Variants in P4HB observed in about 807,000 individuals in gnomAD.
P4HB encodes the protein prolyl 4-hydroxylase subunit beta.
Under a neutral mutation model 52.6 loss-of-function variants are expected in P4HB, and 20 were observed. That is an observed-to-expected ratio of 0.38 (90% CI 0.27 to 0.55). The LOEUF (loss-of-function observed/expected upper bound fraction) is 0.55. P4HB is among the 20% of genes least tolerant of loss of function. The pLI is 0.74. For missense variants in P4HB, 601 were observed against 669.2 expected (o/e 0.90, Z 1.12); for synonymous variants, 296 against 277.9 (o/e 1.07, Z -0.65).
At position 81,853,388 on chromosome 17, in the gene P4HB, C is replaced by T. The variant is rs948198121; in HGVS notation, c.624+1754G>A. On this transcript the variant is annotated intron_variant, in intron 4 of 10. Coordinates refer to ENST00000331483, the MANE Select transcript of P4HB (RefSeq NM_000918.4). Reference sequence around the variant, plus strand: ...GAGTTCGAGACCACCCTGGCTAACACGGTGAAACCCCGTCTCTACTAAAAA... The same window carrying T: ...GAGTTCGAGACCACCCTGGCTAACATGGTGAAACCCCGTCTCTACTAAAAA... Among the ~76,000 whole-genome samples the T allele has an allele frequency of 4.0e-4, 61 of 152,026 alleles. 1 individual carries two copies. Among genetic ancestry groups the T allele is most frequent in the Admixed American group, 3.3e-4 (5 of 15,256 alleles).
intron 1 of P4HB, 157 bp from the exon 2 acceptor site, chr17:81,859,544 G>GC: frequency 1.5e-6 from 1 of 656,742 alleles, no homozygotes; most frequent in Non-Finnish European, 2.6e-6. Context: ...TGAGCTGATA[G>GC]CCTGGTGTTC....
Position 81,845,571 on chromosome 17 carries a change from G to C in P4HB, c.1349C>G (p.Ala450Gly). The C allele has an allele frequency of 1.2e-6, 2 of 1,601,930 alleles. No homozygotes were observed. The highest frequency in any genetic ancestry group is 1.7e-6 in the Non-Finnish European group (2 of 1,171,096). Reference protein sequence around the residue: ...FPTLKFFPASADRTVIDYNGE... With the variant: ...FPTLKFFPASGDRTVIDYNGE... ...GGAGGGAAGGCGCACCGTCCTGTCG[G>C]CACTGGCAGGAAAGAACTTGAGTGT... is the stretch of plus-strand genomic sequence containing the variant. The change falls in exon 9 of 11, where the codon GCC (alanine) becomes GGC (glycine). Residue 450 changes from alanine (A) to glycine (G), a missense_variant. Ala to Gly is a moderately conservative substitution (Grantham distance 60). Coordinates refer to ENST00000331483, the MANE Select transcript of P4HB (RefSeq NM_000918.4).
Position 81,845,878 on chromosome 17 carries a change from C to T in P4HB, c.1170G>A (p.Val390=). Residue 390 remains valine, a synonymous_variant, in exon 8 of 11, where the codon GTG becomes GTA. Transcript: ENST00000331483. ...TGAAAGGGCAACACTTACAGAACTC[C>T]ACAAAGACGTTTTTTTTCTCATCAA... ...VAFDEKKNVF[V]EFYAPWCGHC... 1 of 1,613,994 alleles carries T rather than the reference C, an allele frequency of 6.2e-7. No individual in the cohort carries two copies. Among genetic ancestry groups the T allele is most frequent in the Non-Finnish European group, 8.5e-7 (1 of 1,180,006 alleles).
intron 2 of P4HB, among the ~76,000 whole-genome samples, chr17:81,857,915 C>T (rs902798665): frequency 6.6e-6 from 1 of 152,176 alleles, no homozygotes; most frequent in East Asian, 1.9e-4. Flanking sequence ...CTCATCTCAT[C>T]TGCAAACCTG....
At position 81,859,393 on chromosome 17, in the gene P4HB, A is replaced by G; in HGVS notation, c.146-6T>C. On this transcript the variant is annotated splice_polypyrimidine_tract_variant and splice_region_variant and intron_variant, in intron 1 of 10. Transcript: ENST00000331483. ...GTGGCCACACCAAGGGGCATCTGGA[A>G]GCGGAAATGAGATGCTAGAAAGCAG... The G allele has an allele frequency of 6.2e-7, 1 of 1,611,320 alleles. No homozygotes were observed. Among genetic ancestry groups the G allele is most frequent in the South Asian group, 1.1e-5 (1 of 91,070 alleles).
At position 81,855,070 on chromosome 17, in the gene P4HB, A is replaced by G; in HGVS notation, c.624+72T>C. The G allele has an allele frequency of 6.8e-7, 1 of 1,468,538 alleles. No individual in the cohort carries two copies. The highest frequency in any genetic ancestry group is 9.5e-7 in the Non-Finnish European group (1 of 1,051,692). 91.0% of individuals were successfully genotyped at this position (1,468,538 alleles called of 1,614,324 possible). A position where few individuals can be genotyped will look rare whatever the true frequency, so the allele number is the denominator to read the frequency against. Reference sequence around the variant, plus strand: ...CCAGGAGCAAGGTTCCCTTAACGATAAGGAGAGCAACGCCACCCTCTGCAG... The same window carrying G: ...CCAGGAGCAAGGTTCCCTTAACGATGAGGAGAGCAACGCCACCCTCTGCAG... On this transcript the variant is annotated intron_variant, in intron 4 of 10. Coordinates refer to ENST00000331483, the MANE Select transcript of P4HB (RefSeq NM_000918.4). The surrounding 1 kb of genome is among the most constrained non-coding windows in gnomAD (Gnocchi z 4.3).
intron 4 of P4HB, among the ~76,000 whole-genome samples, chr17:81,853,896 G>A (rs2038873308): frequency 6.6e-6 from 1 of 152,220 alleles, no homozygotes; most frequent in Admixed American, 6.5e-5. Flanking sequence ...TGCGGCCCCA[G>A]CCCCACCTGC....
intron 4 of P4HB, 72 bp from the exon 5 acceptor site, chr17:81,847,419 G>C (rs1255571454): frequency 6.8e-6 from 9 of 1,321,136 alleles, no homozygotes; most frequent in Non-Finnish European, 9.8e-6. Flanking sequence ...GGTCTCCCTG[G>C]ACGTGGGAAG....
Position 81,843,604 on chromosome 17 carries a change from G to A in P4HB, c.*408C>T, listed in dbSNP as rs1481004256. ...GGACAAGCTTCTCCGAGGAGGCCTG[G>A]CCAAGGTGGAACAAATACCCTGATG... On this transcript the variant is annotated 3_prime_UTR_variant, in exon 11 of 11. Transcript: ENST00000331483. 4.4e-6 allele frequency: 2 copies of A among 455,510 alleles called. No homozygotes were observed. The highest frequency in any genetic ancestry group is 7.7e-6 in the Non-Finnish European group (2 of 259,638). 28.2% of individuals were successfully genotyped at this position (455,510 alleles called of 1,614,324 possible). A position where few individuals can be genotyped will look rare whatever the true frequency, so the allele number is the denominator to read the frequency against.
At chr17:81,845,400 A>G (rs2038718360) in intron 9 of P4HB, 161 bp downstream of exon 9, 5 of 836,842 alleles carry the variant, frequency 6.0e-6, no homozygotes, top group Admixed American at 2.5e-5. Flanking sequence ...GTGAGATCCC[A>G]TCTCTCTCGA....
At position 81,860,449 on chromosome 17, in the gene P4HB, C is replaced by T. The variant is rs1480445201; in HGVS notation, c.23G>A (p.Cys8Tyr). 7 of 1,368,646 alleles carry T rather than the reference C, an allele frequency of 5.1e-6. No individual in the cohort carries two copies. In the African/African-American group the frequency reaches 7.6e-5, roughly 15 times the overall value. 84.8% of individuals were successfully genotyped at this position (1,368,646 alleles called of 1,614,324 possible). A position where few individuals can be genotyped will look rare whatever the true frequency, so the allele number is the denominator to read the frequency against. The stretch of plus-strand genomic sequence containing the variant: ...GCGCACCAGGGCGGCCACGGCCAGG[C>T]ACAGCAGAGCGCGGCGCAGCATGTC... Reference protein sequence around the residue: MLRRALLCLAVAALVRAD... With the variant: MLRRALLYLAVAALVRAD... Residue 8 changes from cysteine (C) to tyrosine (Y), a missense_variant, in exon 1 of 11, where the codon TGC (cysteine) becomes TAC (tyrosine). Coordinates refer to ENST00000331483, the MANE Select transcript of P4HB (RefSeq NM_000918.4).
chr17:81,847,333 C>A lies in P4HB; in HGVS notation c.639G>T (p.Arg213=). The A allele has an allele frequency of 6.2e-7, 1 of 1,614,038 alleles. No homozygotes were observed. The highest frequency in any genetic ancestry group is 8.5e-7 in the Non-Finnish European group (1 of 1,179,908). ...VVLFKKFDEG[R]NNFEGEVTKE... ...TGGTGACCTCCCCTTCAAAGTTGTTCCGGCCTTCATCAAACTGTGGACAGA... is the reference window on the plus strand; with the variant it reads ...TGGTGACCTCCCCTTCAAAGTTGTTACGGCCTTCATCAAACTGTGGACAGA... Residue 213 remains arginine (R), a synonymous_variant, in exon 5 of 11, where the codon CGG becomes CGT. Coordinates refer to ENST00000331483, the MANE Select transcript of P4HB (RefSeq NM_000918.4).
chr17:81,857,318 T>C (rs1053226516), intron 2 of P4HB, among the ~76,000 whole-genome samples: 1 of 152,140 alleles, frequency 6.6e-6, no homozygotes, highest in African/African-American at 2.4e-5. Flanking sequence ...CGGCTAATTT[T>C]TGTATTTTTA....
chr17:81,848,387 C>G (rs2038772080), intron 4 of P4HB, among the ~76,000 whole-genome samples: 1 of 152,166 alleles, frequency 6.6e-6, no homozygotes, highest in African/African-American at 2.4e-5. Context: ...TTGTCTGGGA[C>G]AAACTAGTTT....
intron 2 of P4HB, among the ~76,000 whole-genome samples, chr17:81,856,724 A>G (rs1214466909): frequency 6.9e-6 from 1 of 144,794 alleles, no homozygotes. Context: ...ATCCTGGCTC[A>G]CTGCAACCTC....
At chr17:81,845,830 C>G (rs772667046) in intron 8 of P4HB, 41 bp downstream of exon 8, 1 of 1,613,916 alleles carries the variant, frequency 6.2e-7, no homozygotes, top group South Asian at 1.1e-5. Flanking sequence ...TGCGCGTGCC[C>G]TGGTGGCACG....
At chr17:81,845,822 C>A (rs201103118) in intron 8 of P4HB, 49 bp downstream of exon 8, 1 of 1,613,752 alleles carries the variant, frequency 6.2e-7, no homozygotes. Context: ...GCCTACCTTG[C>A]GCGTGCCCTG....
At position 81,846,451 on chromosome 17, in the gene P4HB, C is replaced by T. The variant is rs377551913; in HGVS notation, c.1034G>A (p.Arg345His). Reference sequence around the variant, plus strand: ...CACCTTGATTTTGCCCTCCAGGAAGCGGTGGCAGAACTCTGTGATCCTCTC... The same window carrying T: ...CACCTTGATTTTGCCCTCCAGGAAGTGGTGGCAGAACTCTGTGATCCTCTC... ...TAERITEFCHRFLEGKIKPHL... is the reference protein window; with the variant it reads ...TAERITEFCHHFLEGKIKPHL... The change falls in exon 7 of 11, where the codon CGC becomes CAC. Residue 345 changes from arginine (R) to histidine (H), a missense_variant. Coordinates refer to ENST00000331483, the MANE Select transcript of P4HB (RefSeq NM_000918.4). The surrounding 1 kb of genome is among the most constrained non-coding windows in gnomAD (Gnocchi z 5.7). The T allele has an allele frequency of 9.9e-6, 16 of 1,613,432 alleles. No homozygotes were observed. The African/African-American group carries it at 1.5e-4, about 15-fold the overall frequency.
chr17:81,845,746 AAAAG>A lies in P4HB; in HGVS notation c.1178-8_1178-5del, dbSNP rs1291166227. The stretch of plus-strand genomic sequence containing the variant: ...CAGTGACCACACCATGGGGCATCTG[AAAAG>A]AAAGCAGTTCTAGGGTGTGTCCTGG... On this transcript the variant is annotated splice_polypyrimidine_tract_variant and splice_region_variant and intron_variant, in intron 8 of 10. Coordinates refer to ENST00000331483, the MANE Select transcript of P4HB (RefSeq NM_000918.4). 6.2e-7 allele frequency: 1 copy of A among 1,612,466 alleles called. No homozygotes were observed. The highest frequency in any genetic ancestry group is 8.5e-7 in the Non-Finnish European group (1 of 1,178,884).
Sources: allele counts gnomAD v4.1 joint callset (sites outside exome capture counted in the v4.1 genomes callset), GRCh38; gene constraint gnomAD v4.1.1; non-coding constraint Gnocchi (gnomAD v3.1); transcripts MANE v1.5; gene names NCBI Gene and HGNC (gene_info 2026-07-23, HGNC 2026-07-21).